LHFPL3: variants seen among roughly 807,000 people sequenced by gnomAD.
LHFPL3 encodes the protein LHFPL tetraspan subfamily member 3.
A neutral mutation model predicts 19.3 loss-of-function variants in LHFPL3; 5 were observed. The ratio of observed to expected loss-of-function variants is 0.26; its 90% confidence interval spans 0.14 to 0.54. LHFPL3 has a LOEUF of 0.54. Ranked by LOEUF, LHFPL3 falls within the 20% of genes least tolerant of loss-of-function variation. The pLI is 0.94. For synonymous variants in LHFPL3, 133 were observed against 126.2 expected, an observed-to-expected ratio of 1.05 and a Z score of -0.36; for missense variants, 249 against 307.4, an observed-to-expected ratio of 0.81 and a Z score of 1.42.
At chr7:104,577,218 A>G (rs1416050873) in intron 1 of LHFPL3, among the ~76,000 whole-genome samples, 1 of 152,164 alleles carries the variant, frequency 6.6e-6, no homozygotes, top group Non-Finnish European at 1.5e-5. Context: ...TATTAAACAC[A>G]TGGGAGAGCT....
At chr7:104,593,436 G>A (rs574768786) in intron 1 of LHFPL3, among the ~76,000 whole-genome samples, 5 of 152,270 alleles carry the variant, frequency 3.3e-5, no homozygotes, top group African/African-American at 7.2e-5. Flanking sequence ...TTTTACATTT[G>A]CTGAGGAGTG....
intron 1 of LHFPL3, among the ~76,000 whole-genome samples, chr7:104,524,592 AT>A (rs1432352474): frequency 6.6e-6 from 1 of 152,148 alleles, no homozygotes; most frequent in Non-Finnish European, 1.5e-5. Context: ...ACTGAACTAG[AT>A]TGATCCAAGG....
intron 1 of LHFPL3, among the ~76,000 whole-genome samples, chr7:104,370,185 T>G (rs1357211433): frequency 6.6e-6 from 1 of 152,126 alleles, no homozygotes; most frequent in Non-Finnish European, 1.5e-5. Flanking sequence ...AACTAAAACT[T>G]GGTCCCCTGA....
At chr7:104,716,408 A>T (rs115209422) in intron 1 of LHFPL3, among the ~76,000 whole-genome samples, 352 of 152,218 alleles carry the variant, frequency 2.3e-3, no homozygotes, top group African/African-American at 7.8e-3. Flanking sequence ...AGTTGACATG[A>T]TGTTATATAG....
intron 1 of LHFPL3, among the ~76,000 whole-genome samples, chr7:104,337,756 A>G (rs1789857191): frequency 6.6e-6 from 1 of 152,236 alleles, no homozygotes; most frequent in Non-Finnish European, 1.5e-5. Flanking sequence ...AAGAACCTGT[A>G]TAATTACAAA....
chr7:104,891,027 T>G (rs1469034617), intron 2 of LHFPL3, among the ~76,000 whole-genome samples: 1 of 151,990 alleles, frequency 6.6e-6, no homozygotes, highest in Non-Finnish European at 1.5e-5. Flanking sequence ...ATGACACAAC[T>G]GTTGCAGCTA....
Position 104,567,099 on chromosome 7 carries a change from A to G in LHFPL3, c.446-169576A>G, listed in dbSNP as rs75491937. Among the ~76,000 whole-genome samples the G allele has an allele frequency of 2.5e-3, 374 of 152,352 alleles. 1 individual carries two copies. Among genetic ancestry groups the G allele is most frequent in the African/African-American group, 8.8e-3 (364 of 41,576 alleles). ...TTGAATACAAAATAGAGTCAGCTTT[A>G]TATCAAACGAAGTGTTTAGATGGTA... On this transcript the variant is annotated intron_variant, in intron 1 of 2. Transcript: ENST00000424859.
intron 1 of LHFPL3, among the ~76,000 whole-genome samples, chr7:104,705,135 T>G (rs1793168706): frequency 6.6e-6 from 1 of 152,236 alleles, no homozygotes; most frequent in Admixed American, 6.5e-5. Flanking sequence ...TTATAAATTT[T>G]ACCAAGCTAT....
chr7:104,661,509 G>A (rs923110007), intron 1 of LHFPL3, among the ~76,000 whole-genome samples: 3 of 152,076 alleles, frequency 2.0e-5, no homozygotes, highest in Non-Finnish European at 4.4e-5. Context: ...TGACTTTTTT[G>A]TCCTAGTTTA....
intron 2 of LHFPL3, among the ~76,000 whole-genome samples, chr7:104,763,040 CTTG>C (rs1794402599): frequency 6.6e-6 from 1 of 152,212 alleles, no homozygotes; most frequent in Admixed American, 6.5e-5. Flanking sequence ...AGAGTAATGA[CTTG>C]TTGTTTACTG....
rs928314585 is a variant in LHFPL3 at position 104,551,490 on chromosome 7, C to G, written c.446-185185C>G. On this transcript the variant is annotated intron_variant, in intron 1 of 2. Transcript: ENST00000424859. ...CTTCCCTTTTTTTCTGCCCTTCCAC[C>G]CCTCCCTTGGCTGCCTCTGCTTCTG... 1.3e-5 allele frequency among the ~76,000 whole-genome samples: 2 copies of G among 152,050 alleles called. 1 individual carries two copies. Among genetic ancestry groups the G allele is most frequent in the Non-Finnish European group, 2.9e-5 (2 of 68,006 alleles).
chr7:104,350,042 GTAT>G (rs1177421949), intron 1 of LHFPL3, among the ~76,000 whole-genome samples: 1 of 151,978 alleles, frequency 6.6e-6, no homozygotes, highest in Non-Finnish European at 1.5e-5. Flanking sequence ...AATATGAGGT[GTAT>G]TATTATTATT....
intron 1 of LHFPL3, among the ~76,000 whole-genome samples, chr7:104,657,356 G>A (rs922302808): frequency 1.3e-5 from 2 of 152,254 alleles, no homozygotes; most frequent in African/African-American, 4.8e-5. Flanking sequence ...TCTGAGCCAT[G>A]TGTAGCTAAT....
At chr7:104,445,897 T>C (rs1792320790) in intron 1 of LHFPL3, among the ~76,000 whole-genome samples, 1 of 152,180 alleles carries the variant, frequency 6.6e-6, no homozygotes, top group Admixed American at 6.5e-5. Context: ...TTCCTGTCCT[T>C]TGATTTAATC....
chr7:104,619,319 T>A (rs1311826737), intron 1 of LHFPL3, among the ~76,000 whole-genome samples: 2 of 152,184 alleles, frequency 1.3e-5, no homozygotes, highest in African/African-American at 4.8e-5. Context: ...TATCCTTCTC[T>A]GTCTTTCTGT....
At chr7:104,368,653 GTGT>G (rs1790545199) in intron 1 of LHFPL3, among the ~76,000 whole-genome samples, 1 of 4,508 alleles carries the variant, frequency 2.2e-4, no homozygotes, top group African/African-American at 2.6e-3. Context: ...ACACATGTAC[GTGT>G]GTGTGTGTGT....
At chr7:104,511,890 G>A (rs1793820683) in intron 1 of LHFPL3, among the ~76,000 whole-genome samples, 1 of 150,786 alleles carries the variant, frequency 6.6e-6, no homozygotes, top group South Asian at 2.1e-4. Flanking sequence ...TGTCCTCTGA[G>A]AAACTAGAGT....
intron 1 of LHFPL3, among the ~76,000 whole-genome samples, chr7:104,586,432 A>G (rs1255457595): frequency 6.6e-6 from 1 of 152,096 alleles, no homozygotes; most frequent in African/African-American, 2.4e-5. Flanking sequence ...CATATTTTTG[A>G]AAGAAGAGGT....
At chr7:104,590,305 A>G (rs1006298591) in intron 1 of LHFPL3, among the ~76,000 whole-genome samples, 2 of 151,952 alleles carry the variant, frequency 1.3e-5, no homozygotes, top group Admixed American at 6.6e-5. Context: ...ATATTCTGCT[A>G]TGTTGTGTCT....
Sources: allele counts gnomAD v4.1 joint callset (sites outside exome capture counted in the v4.1 genomes callset), GRCh38; gene constraint gnomAD v4.1.1; transcripts MANE v1.5; gene names NCBI Gene and HGNC (gene_info 2026-07-23, HGNC 2026-07-21).